The following FAM76A variants were observed in gnomAD, a reference collection of about 807,000 sequenced individuals.
FAM76A encodes protein FAM76A.
A neutral mutation model predicts 46.2 loss-of-function variants in FAM76A; 32 were observed. The observed-to-expected ratio is 0.69, with a 90% CI of 0.52 to 0.93. FAM76A has a LOEUF of 0.93. FAM76A is among the 40% of genes least tolerant of loss of function. The pLI, the probability that FAM76A is intolerant of heterozygous loss-of-function variation, is 0.00. For synonymous variants in FAM76A, 137 were observed against 127.0 expected, an observed-to-expected ratio of 1.08 and a Z score of -0.53; for missense variants, 274 against 361.5, an observed-to-expected ratio of 0.76 and a Z score of 1.96.
chr1:27,754,737 G>A (rs997238265), intron 6 of FAM76A, among the ~76,000 whole-genome samples: 2 of 152,132 alleles, frequency 1.3e-5, no homozygotes, highest in Admixed American at 6.6e-5. Context: ...GGTGCTTTGG[G>A]ACAGAAGACA....
rs564226795 is a variant in FAM76A at position 27,746,450 on chromosome 1, C to T, written c.512+1639C>T. On this transcript the variant is annotated intron_variant, in intron 5 of 8. Transcript: ENST00000373954. The stretch of plus-strand genomic sequence containing the variant: ...TAGCACATAAGAATCTAGCTGGGCG[C>T]GGTGGCTCACACCCGTAATCCCAGC... Among the ~76,000 whole-genome samples, 32 of 152,206 alleles carry T rather than the reference C, an allele frequency of 2.1e-4. No homozygotes were observed. In the East Asian group the frequency reaches 3.1e-3, roughly 15 times the overall value.
chr1:27,758,251 A>T (rs2088448216), intron 7 of FAM76A, among the ~76,000 whole-genome samples: 1 of 152,220 alleles, frequency 6.6e-6, no homozygotes, highest in East Asian at 1.9e-4. Context: ...AAATGGCGGA[A>T]CAAGGGACTG....
chr1:27,734,261 T>C, intron 4 of FAM76A, 78 bp downstream of exon 4: 1 of 1,462,566 alleles, frequency 6.8e-7, no homozygotes, highest in Non-Finnish European at 9.1e-7. Flanking sequence ...AAAACACATT[T>C]AATAGGCCGG....
intron 2 of FAM76A, among the ~76,000 whole-genome samples, chr1:27,729,281 C>G (rs2087916007): frequency 6.6e-6 from 1 of 151,628 alleles, no homozygotes; most frequent in Non-Finnish European, 1.5e-5. Flanking sequence ...GATCTCAGCT[C>G]ACTGCAACCT....
intron 7 of FAM76A, among the ~76,000 whole-genome samples, chr1:27,758,400 C>G (rs562293739): frequency 6.0e-4 from 91 of 152,332 alleles, no homozygotes; most frequent in African/African-American, 2.0e-3. Flanking sequence ...AGTATATTCT[C>G]TCCATGGACT....
In FAM76A at chr1:27,727,567, A is replaced by G. The variant is rs753900790; in HGVS notation, c.146+31A>G. 4.5e-6 allele frequency: 7 copies of G among 1,560,876 alleles called. No individual in the cohort carries two copies. The African/African-American group carries it at 8.1e-5, about 18-fold the overall frequency. ...GTTTTGTTGACCATGAAAGATATTAATAGGCTTTTTTCCTCTTAAAATCTG... is the reference window on the plus strand; with the variant it reads ...GTTTTGTTGACCATGAAAGATATTAGTAGGCTTTTTTCCTCTTAAAATCTG... On this transcript the variant is annotated intron_variant, in intron 2 of 8. Transcript: ENST00000373954.
At chr1:27,745,700 T>G (rs1178784401) in intron 5 of FAM76A, among the ~76,000 whole-genome samples, 1 of 152,108 alleles carries the variant, frequency 6.6e-6, no homozygotes, top group Non-Finnish European at 1.5e-5. Context: ...CCTTGAGAAG[T>G]CAGGCAAGCA....
intron 4 of FAM76A, chr1:27,738,965 G>A (rs2088104132): frequency 6.1e-6 from 1 of 164,682 alleles, no homozygotes; most frequent in Admixed American, 6.4e-5. Flanking sequence ...CTTGGCACAT[G>A]ATTAGAACAG....
intron 2 of FAM76A, among the ~76,000 whole-genome samples, chr1:27,729,529 C>CA (rs11441396): frequency 0.18 from 25,878 of 145,830 alleles, 5,859 homozygotes; most frequent in African/African-American, 0.53. Flanking sequence ...TGTTTTCAAA[C>CA]AAAAAAAAAA....
In FAM76A at chr1:27,754,954, A is replaced by G. The variant is rs1389443349; in HGVS notation, c.600-241A>G. On this transcript the variant is annotated intron_variant, in intron 6 of 8. Coordinates refer to ENST00000373954, the MANE Select transcript of FAM76A (RefSeq NM_152660.3). ...TTTATTTCCGTCCTAAATGTGAGAG[A>G]AGATGCTGCAGGGATGCTGCCAGGT... is the stretch of plus-strand genomic sequence containing the variant. Among the ~76,000 whole-genome samples, 6 of 152,184 alleles carry G rather than the reference A, an allele frequency of 3.9e-5. No individual in the cohort carries two copies. In the East Asian group the frequency reaches 1.2e-3, roughly 29 times the overall value.
chr1:27,740,449 CT>C, intron 4 of FAM76A: 2 of 1,472,020 alleles, frequency 1.4e-6, no homozygotes, highest in Non-Finnish European at 1.9e-6. Context: ...CAGTTCCCAT[CT>C]TTGGATAAGA....
chr1:27,759,773 T>C (rs1275826023), intron 8 of FAM76A, 146 bp downstream of exon 8: 11 of 615,602 alleles, frequency 1.8e-5, no homozygotes, highest in Non-Finnish European at 3.0e-5. Flanking sequence ...TAGGTTTTTT[T>C]TTTTTGTTTT....
chr1:27,739,414 TG>T, intron 4 of FAM76A: 1 of 511,204 alleles, frequency 2.0e-6, no homozygotes, highest in Non-Finnish European at 3.9e-6. Flanking sequence ...GCCAACCTCG[TG>T]GAAATGTTTT....
rs2088319760 is a variant in FAM76A at position 27,750,882 on chromosome 1, A to G, written c.599+1728A>G. 3.9e-5 allele frequency among the ~76,000 whole-genome samples: 6 copies of G among 152,232 alleles called. No individual in the cohort carries two copies. In the South Asian group the frequency reaches 1.2e-3, roughly 31 times the overall value. On this transcript the variant is annotated intron_variant, in intron 6 of 8. Coordinates refer to ENST00000373954, the MANE Select transcript of FAM76A (RefSeq NM_152660.3). ...CCTCCAGAAAAGATATTAAATGATC[A>G]TTTTGACCAGGCACAGTCGTTCACA...
chr1:27,744,776 G>A lies in FAM76A; in HGVS notation c.477G>A (p.Gln159=), dbSNP rs1476388429. Residue 159 remains glutamine (Q), a synonymous_variant, in exon 5 of 9, where the codon CAG becomes CAA. Coordinates refer to ENST00000373954, the MANE Select transcript of FAM76A (RefSeq NM_152660.3). Reference sequence around the variant, plus strand: ...GTGCTGGCCACCAGGAGAAGGAGCAGTATAGTCGCCTGAGTGGTGGTGGCC... The same window carrying A: ...GTGCTGGCCACCAGGAGAAGGAGCAATATAGTCGCCTGAGTGGTGGTGGCC... ...SSRAGHQEKE[Q]YSRLSGGGHY... 11 of 1,614,090 alleles carry A rather than the reference G, an allele frequency of 6.8e-6. No homozygotes were observed. Among genetic ancestry groups the A allele is most frequent in the Non-Finnish European group, 9.3e-6 (11 of 1,180,030 alleles).
intron 1 of FAM76A, 62 bp downstream of exon 1, chr1:27,726,223 G>C (rs1400239029): frequency 1.6e-6 from 2 of 1,223,604 alleles, no homozygotes; most frequent in East Asian, 3.2e-5. Context: ...CGGAGCTCCA[G>C]ATTCTGTGGG....
At chr1:27,740,537 G>A (rs1394116142) in intron 4 of FAM76A, 57 of 1,308,954 alleles carry the variant, frequency 4.4e-5, no homozygotes, top group Non-Finnish European at 5.3e-5. Flanking sequence ...GTCTGGAAGC[G>A]TTGTTATGAG....
chr1:27,758,291 A>G (rs1294379008), intron 7 of FAM76A, among the ~76,000 whole-genome samples: 2 of 152,154 alleles, frequency 1.3e-5, no homozygotes, highest in African/African-American at 4.8e-5. Flanking sequence ...TGTTCTTTCT[A>G]CTGTGCTATG....
rs1467574776 is a variant in FAM76A, at chr1:27,741,755, C to T, written c.355-2899C>T. Among the ~76,000 whole-genome samples, 7 of 151,520 alleles carry T rather than the reference C, an allele frequency of 4.6e-5. No homozygotes were observed. The South Asian group carries it at 6.3e-4, about 14-fold the overall frequency. Reference sequence around the variant, plus strand: ...AAAATTAGCCAGGCGTGGTGGTGGGCGCCTGTAATCCCAGCTACTTGGGAG... The same window carrying T: ...AAAATTAGCCAGGCGTGGTGGTGGGTGCCTGTAATCCCAGCTACTTGGGAG... On this transcript the variant is annotated intron_variant, in intron 4 of 8. Coordinates refer to ENST00000373954, the MANE Select transcript of FAM76A (RefSeq NM_152660.3).
Sources: allele counts gnomAD v4.1 joint callset (sites outside exome capture counted in the v4.1 genomes callset), GRCh38; gene constraint gnomAD v4.1.1; transcripts MANE v1.5; gene names NCBI Gene and HGNC (gene_info 2026-07-23, HGNC 2026-07-21).